Variants in BABAM2 observed in about 807,000 individuals in gnomAD.
The protein encoded by BABAM2 is BRISC and BRCA1 A complex member 2.
BABAM2 carries 31 observed loss-of-function variants against 54.7 expected under a neutral mutation model. That is an observed-to-expected ratio of 0.57 (90% CI 0.43 to 0.77). The LOEUF (loss-of-function observed/expected upper bound fraction) is 0.77. BABAM2 is among the 30% of genes least tolerant of loss of function. The probability of loss-of-function intolerance (pLI) is 0.00; values close to 1 mark genes in which losing one functional copy is unlikely to be tolerated. For missense variants in BABAM2, 364 were observed against 455.8 expected (o/e 0.80, Z 1.83); for synonymous variants, 167 against 162.9 (o/e 1.03, Z -0.19).
intron 4 of BABAM2, among the ~76,000 whole-genome samples, chr2:28,001,297 C>A (rs897617155): frequency 6.6e-6 from 1 of 152,122 alleles, no homozygotes; most frequent in Non-Finnish European, 1.5e-5. Flanking sequence ...GATATTATTC[C>A]TTTTTGTTAG....
At chr2:28,289,873 C>T (rs1687145873) in intron 10 of BABAM2, among the ~76,000 whole-genome samples, 1 of 152,080 alleles carries the variant, frequency 6.6e-6, no homozygotes. Context: ...AGGAAAATAG[C>T]ACACTGTCAA....
intron 11 of BABAM2, among the ~76,000 whole-genome samples, chr2:28,299,018 T>A (rs952745959): frequency 6.6e-6 from 1 of 152,224 alleles, no homozygotes; most frequent in Non-Finnish European, 1.5e-5. Flanking sequence ...CAAACAATTT[T>A]TGCTTAGTAG....
chr2:28,176,708 A>G (rs1402494269), intron 7 of BABAM2, among the ~76,000 whole-genome samples: 1 of 151,356 alleles, frequency 6.6e-6, no homozygotes, highest in African/African-American at 2.4e-5. Context: ...AAAAGAACCA[A>G]ATGGAAATTC....
intron 5 of BABAM2, among the ~76,000 whole-genome samples, chr2:28,037,380 A>G (rs966541682): frequency 2.0e-5 from 3 of 152,154 alleles, no homozygotes; most frequent in Admixed American, 6.5e-5. Context: ...CTGTATAAAC[A>G]TATATAGAAC....
At chr2:28,164,778 T>C (rs990013208) in intron 7 of BABAM2, among the ~76,000 whole-genome samples, 2 of 152,110 alleles carry the variant, frequency 1.3e-5, no homozygotes, top group African/African-American at 2.4e-5. Context: ...TTATAGGCTT[T>C]TAAAAATCCA....
At chr2:28,307,830 A>T (rs925289122) in intron 11 of BABAM2, 2 of 152,220 alleles carry the variant, frequency 1.3e-5, no homozygotes, top group Admixed American at 6.5e-5. Context: ...AACCTATTTA[A>T]AATTACTTCC....
At chr2:28,279,257 G>T (rs1686138876) in intron 10 of BABAM2, among the ~76,000 whole-genome samples, 1 of 152,250 alleles carries the variant, frequency 6.6e-6, no homozygotes, top group African/African-American at 2.4e-5. Flanking sequence ...GGCTTGGGAG[G>T]TGAAGCCTAG....
At chr2:27,935,427 T>C (rs985800906) in intron 3 of BABAM2, among the ~76,000 whole-genome samples, 4 of 152,234 alleles carry the variant, frequency 2.6e-5, no homozygotes, top group Non-Finnish European at 2.9e-5. Flanking sequence ...TGTGACTGAA[T>C]TGCTACAATG....
At chr2:28,179,907 C>T (rs1210029717) in intron 7 of BABAM2, among the ~76,000 whole-genome samples, 1 of 151,980 alleles carries the variant, frequency 6.6e-6, no homozygotes, top group Non-Finnish European at 1.5e-5. Flanking sequence ...TAAATTTAAA[C>T]AAGGAGGTGA....
chr2:28,192,598 T>C (rs1184724552), intron 7 of BABAM2, among the ~76,000 whole-genome samples: 2 of 148,144 alleles, frequency 1.4e-5, no homozygotes, highest in Admixed American at 6.8e-5. Context: ...CTTGGCTCAC[T>C]GCAACCTCTG....
intron 7 of BABAM2, among the ~76,000 whole-genome samples, chr2:28,138,493 C>A (rs922359401): frequency 1.3e-5 from 2 of 152,116 alleles, no homozygotes; most frequent in Admixed American, 1.3e-4. Context: ...AGTAACGCAC[C>A]TTCCCCTAAA....
chr2:28,111,327 G>T (rs1668006728), intron 6 of BABAM2, among the ~76,000 whole-genome samples: 1 of 151,836 alleles, frequency 6.6e-6, no homozygotes, highest in Non-Finnish European at 1.5e-5. Flanking sequence ...CAAGTTCTTT[G>T]CCCGTTTTTG....
At chr2:28,013,025 TG>T (rs1442467703) in intron 4 of BABAM2, among the ~76,000 whole-genome samples, 1 of 152,058 alleles carries the variant, frequency 6.6e-6, no homozygotes, top group African/African-American at 2.4e-5. Flanking sequence ...CAAGATGGAG[TG>T]GGGCTGCATA....
At chr2:27,998,742 G>A (rs1167177559) in intron 4 of BABAM2, among the ~76,000 whole-genome samples, 1 of 152,068 alleles carries the variant, frequency 6.6e-6, no homozygotes, top group East Asian at 1.9e-4. Context: ...ACTAATAGTT[G>A]GTTATGGTTG....
intron 3 of BABAM2, among the ~76,000 whole-genome samples, chr2:27,939,982 A>G (rs1032384277): frequency 6.6e-6 from 1 of 152,224 alleles, no homozygotes. Context: ...TGAAGAGACA[A>G]TTGTTGGCCA....
intron 11 of BABAM2, chr2:28,308,678 C>A (rs1282845788): frequency 1.7e-5 from 5 of 287,032 alleles, no homozygotes; most frequent in African/African-American, 8.9e-5. Context: ...CACATCCACA[C>A]CCAGGCAGAC....
chr2:27,948,273 T>C (rs1558610725), intron 3 of BABAM2, among the ~76,000 whole-genome samples: 1 of 150,302 alleles, frequency 6.7e-6, no homozygotes, highest in Non-Finnish European at 1.5e-5. Flanking sequence ...TACAGTTGAT[T>C]TTTTTTTTTA....
chr2:28,066,431 A>G (rs1344736426), intron 6 of BABAM2, among the ~76,000 whole-genome samples: 5 of 152,190 alleles, frequency 3.3e-5, no homozygotes, highest in Non-Finnish European at 5.9e-5. Context: ...TTTTGTAGAC[A>G]TGTATCGATA....
intron 3 of BABAM2, among the ~76,000 whole-genome samples, chr2:27,972,773 CT>C (rs11383917): frequency 3.3e-4 from 46 of 138,346 alleles, no homozygotes; most frequent in Non-Finnish European, 3.8e-4. Context: ...TAATTATTAG[CT>C]TTTTTTTTTT....
Sources: gnomAD v4.1 joint callset for allele counts (sites outside exome capture counted in the v4.1 genomes callset) on GRCh38, gnomAD v4.1.1 for gene constraint, MANE v1.5 for transcripts, NCBI Gene and HGNC (gene_info 2026-07-23, HGNC 2026-07-21) for gene names.